Variants in HCN1 observed in about 807,000 individuals in gnomAD.
HCN1 encodes hyperpolarization activated cyclic nucleotide gated potassium channel 1.
HCN1 carries 13 observed loss-of-function variants against 78.9 expected under a neutral mutation model. The ratio of observed to expected loss-of-function variants is 0.16; its 90% CI spans 0.11 to 0.26. The LOEUF (loss-of-function observed/expected upper bound fraction) is 0.26. Ranked by LOEUF, HCN1 falls within the 10% of genes least tolerant of loss-of-function variation. The pLI is 1.00. For missense variants in HCN1, 810 were observed against 1,154.3 expected (o/e 0.70, Z 4.32); for synonymous variants, 552 against 455.5 (o/e 1.21, Z -2.70).
At chr5:45,359,508 A>G (rs1747071102) in intron 4 of HCN1, among the ~76,000 whole-genome samples, 1 of 151,718 alleles carries the variant, frequency 6.6e-6, no homozygotes, top group African/African-American at 2.4e-5. Context: ...TGGGGTATCT[A>G]TGTGTACATT....
chr5:45,688,776 C>T (rs992398597), intron 1 of HCN1, among the ~76,000 whole-genome samples: 4 of 151,940 alleles, frequency 2.6e-5, no homozygotes, highest in African/African-American at 9.7e-5. Flanking sequence ...GTAGTATATC[C>T]ATAAAATGGA....
At chr5:45,437,747 A>G (rs1253816991) in intron 3 of HCN1, among the ~76,000 whole-genome samples, 1 of 152,256 alleles carries the variant, frequency 6.6e-6, no homozygotes, top group East Asian at 1.9e-4. Flanking sequence ...CTATTGCTGT[A>G]TAACAAGTTA....
At chr5:45,652,265 CTT>C (rs1176898063) in intron 1 of HCN1, among the ~76,000 whole-genome samples, 4 of 151,866 alleles carry the variant, frequency 2.6e-5, no homozygotes, top group East Asian at 1.9e-4. Context: ...TTCACATACT[CTT>C]GTTTGTGGGA....
chr5:45,372,072 T>A (rs1477387909), intron 4 of HCN1, among the ~76,000 whole-genome samples: 7 of 47,628 alleles, frequency 1.5e-4, no homozygotes, highest in African/African-American at 7.6e-4. Flanking sequence ...ATATTATATA[T>A]TATATATAAT....
At chr5:45,270,997 A>G (rs1457768305) in intron 6 of HCN1, among the ~76,000 whole-genome samples, 1 of 152,074 alleles carries the variant, frequency 6.6e-6, no homozygotes, top group Non-Finnish European at 1.5e-5. Context: ...TAGTATAGGT[A>G]CACATTACTA....
chr5:45,330,829 A>G (rs1001789819), intron 5 of HCN1, among the ~76,000 whole-genome samples: 2 of 151,100 alleles, frequency 1.3e-5, no homozygotes, highest in African/African-American at 4.8e-5. Context: ...TTTACCTCAA[A>G]TAATGTATAT....
chr5:45,570,549 C>T (rs568648140), intron 2 of HCN1, among the ~76,000 whole-genome samples: 83 of 152,196 alleles, frequency 5.5e-4, no homozygotes, highest in Admixed American at 1.8e-3. Flanking sequence ...ACACAGAGGA[C>T]GCAGAATCGG....
intron 5 of HCN1, among the ~76,000 whole-genome samples, chr5:45,315,453 G>A (rs988566379): frequency 4.6e-5 from 7 of 152,144 alleles, no homozygotes; most frequent in South Asian, 2.1e-4. Flanking sequence ...ATGCCCACAA[G>A]AGAAAGCAGG....
At chr5:45,505,789 TACAC>T (rs1742285233) in intron 2 of HCN1, among the ~76,000 whole-genome samples, 1 of 152,256 alleles carries the variant, frequency 6.6e-6, no homozygotes, top group East Asian at 1.9e-4. Flanking sequence ...AATATATAAA[TACAC>T]ACACATCCAT....
rs534675233 is a variant in HCN1 at position 45,608,477 on chromosome 5, T to C, written c.849+36708A>G. ...CTAACATAGTTCTAAATGAGAGGAATTGAGCAGGAAAATTTGCCTTCTTAG... is the reference window on the plus strand; with the variant it reads ...CTAACATAGTTCTAAATGAGAGGAACTGAGCAGGAAAATTTGCCTTCTTAG... On this transcript the variant is annotated intron_variant, in intron 2 of 7. Transcript: ENST00000303230. Among the ~76,000 whole-genome samples, 93 of 151,466 alleles carry C rather than the reference T, an allele frequency of 6.1e-4. 1 individual carries two copies. Among genetic ancestry groups the C allele is most frequent in the East Asian group, 2.3e-3 (12 of 5,136 alleles).
rs532165267 is a variant in HCN1 at position 45,336,200 on chromosome 5, A to G, written c.1377+16900T>C. ...GAGGGGAGGATACTAGGGATTACTG[A>G]AGCCAACTTTGCAGACTCATACATT... On this transcript the variant is annotated intron_variant, in intron 5 of 7. Transcript: ENST00000303230. 8.3e-4 allele frequency among the ~76,000 whole-genome samples: 127 copies of G among 152,136 alleles called. 1 individual carries two copies. Among genetic ancestry groups the G allele is most frequent in the Non-Finnish European group, 1.4e-3 (98 of 67,978 alleles).
intron 5 of HCN1, among the ~76,000 whole-genome samples, chr5:45,325,391 A>C (rs1269479804): frequency 6.6e-6 from 1 of 151,768 alleles, no homozygotes; most frequent in Non-Finnish European, 1.5e-5. Flanking sequence ...ATTGAGAAAG[A>C]AAGCTACATA....
chr5:45,466,781 C>T (rs1741278940), intron 2 of HCN1, among the ~76,000 whole-genome samples: 1 of 152,094 alleles, frequency 6.6e-6, no homozygotes, highest in African/African-American at 2.4e-5. Flanking sequence ...GTCATCTTTC[C>T]ATGCTTTAGG....
At chr5:45,682,863 T>C (rs1016123873) in intron 1 of HCN1, among the ~76,000 whole-genome samples, 7 of 152,268 alleles carry the variant, frequency 4.6e-5, no homozygotes, top group Middle Eastern at 3.4e-3. Flanking sequence ...TTTTGTGCTA[T>C]TATGAAAAAT....
intron 2 of HCN1, among the ~76,000 whole-genome samples, chr5:45,593,843 G>C (rs1744435803): frequency 6.6e-6 from 1 of 151,750 alleles, no homozygotes; most frequent in Middle Eastern, 3.2e-3. Context: ...TCTGGCTATT[G>C]TTTTGTATTT....
chr5:45,482,386 T>G (rs903886617), intron 2 of HCN1, among the ~76,000 whole-genome samples: 1 of 152,172 alleles, frequency 6.6e-6, no homozygotes, highest in African/African-American at 2.4e-5. Context: ...CTTCCAACAC[T>G]ATGTATGCTT....
chr5:45,451,246 A>G (rs1740912472), intron 3 of HCN1, among the ~76,000 whole-genome samples: 1 of 152,110 alleles, frequency 6.6e-6, no homozygotes, highest in South Asian at 2.1e-4. Context: ...AAAAATCTGT[A>G]TTTATTTACA....
chr5:45,520,705 G>A (rs755878888), intron 2 of HCN1, among the ~76,000 whole-genome samples: 19 of 151,902 alleles, frequency 1.3e-4, no homozygotes, highest in Admixed American at 1.1e-3. Context: ...ATTCATCTAT[G>A]CATTCATTTG....
intron 6 of HCN1, among the ~76,000 whole-genome samples, chr5:45,294,596 A>C (rs1383158638): frequency 6.6e-6 from 1 of 152,058 alleles, no homozygotes; most frequent in East Asian, 1.9e-4. Flanking sequence ...ATTATATTAG[A>C]AAAACAAACT....
Sources: allele counts gnomAD v4.1 joint callset (sites outside exome capture counted in the v4.1 genomes callset), GRCh38; gene constraint gnomAD v4.1.1; transcripts MANE v1.5; gene names NCBI Gene and HGNC (gene_info 2026-07-23, HGNC 2026-07-21).